Variants in DLG2 observed in about 807,000 individuals in gnomAD.
DLG2 encodes the protein disks large homolog 2.
DLG2 carries 45 observed loss-of-function variants against 132.5 expected under a neutral mutation model. The ratio of observed to expected loss-of-function variants is 0.34; its 90% CI spans 0.27 to 0.44. The LOEUF is 0.44. Ranked by LOEUF, DLG2 falls within the 20% of genes least tolerant of loss-of-function variation. The probability of loss-of-function intolerance (pLI) is 1.00; values close to 1 mark genes in which losing one functional copy is unlikely to be tolerated. For synonymous variants in DLG2, 424 were observed against 419.6 expected (o/e 1.01, Z -0.13); for missense variants, 1,045 against 1,196.9 (o/e 0.87, Z 1.87).
intron 4 of DLG2, among the ~76,000 whole-genome samples, chr11:85,201,272 G>A (rs577820609): frequency 1.3e-5 from 2 of 152,272 alleles, no homozygotes; most frequent in African/African-American, 4.8e-5. Context: ...ACACACCTCT[G>A]AGCCAATGAA....
intron 15 of DLG2, among the ~76,000 whole-genome samples, chr11:83,908,757 A>C (rs1015925324): frequency 6.6e-6 from 1 of 151,642 alleles, no homozygotes; most frequent in Non-Finnish European, 1.5e-5. Context: ...TTTTTAAGGG[A>C]CAGGGTCTTA....
intron 3 of DLG2, among the ~76,000 whole-genome samples, chr11:85,434,820 A>C (rs941353230): frequency 4.6e-5 from 7 of 152,198 alleles, no homozygotes; most frequent in African/African-American, 1.7e-4. Flanking sequence ...AGCTCATTTT[A>C]TGAGGCCAGC....
intron 18 of DLG2, among the ~76,000 whole-genome samples, chr11:83,706,610 C>G (rs2084062000): frequency 6.6e-6 from 1 of 152,166 alleles, no homozygotes; most frequent in South Asian, 2.1e-4. Flanking sequence ...GCAGGGAAAC[C>G]TTCTGAGGAG....
chr11:83,739,199 A>T (rs1038449891), intron 18 of DLG2, among the ~76,000 whole-genome samples: 2 of 152,166 alleles, frequency 1.3e-5, no homozygotes, highest in Non-Finnish European at 2.9e-5. Context: ...GATAATTTGA[A>T]TCACAGAATC....
Position 83,823,473 on chromosome 11 carries a change from T to C in DLG2, c.1722+10141A>G, listed in dbSNP as rs183230608. 1.3e-3 allele frequency among the ~76,000 whole-genome samples: 194 copies of C among 152,272 alleles called. 4 individuals carry two copies. Among genetic ancestry groups the C allele is most frequent in the Admixed American group, 0.012 (177 of 15,282 alleles). ...TCTATAGGAATTCCTCTTAGTCAAT[T>C]AGGAAATGATCTGTCTGAATTGGAA... is the stretch of plus-strand genomic sequence containing the variant. On this transcript the variant is annotated intron_variant, in intron 17 of 27. Coordinates refer to ENST00000376104, the MANE Select transcript of DLG2 (RefSeq NM_001142699.3).
chr11:85,537,944 G>A (rs1279459241), intron 3 of DLG2, among the ~76,000 whole-genome samples: 4 of 151,594 alleles, frequency 2.6e-5, no homozygotes, highest in East Asian at 1.9e-4. Context: ...GTGAAACCCC[G>A]TCTCTACTAA....
chr11:85,426,057 G>A (rs1401458288), intron 3 of DLG2, among the ~76,000 whole-genome samples: 4 of 152,218 alleles, frequency 2.6e-5, no homozygotes, highest in African/African-American at 7.2e-5. Flanking sequence ...AGCAGTCTGA[G>A]ATCAAACTGC....
At chr11:85,520,582 G>T (rs1320948213) in intron 3 of DLG2, among the ~76,000 whole-genome samples, 2 of 148,938 alleles carry the variant, frequency 1.3e-5, no homozygotes, top group Non-Finnish European at 3.0e-5. Context: ...GAACAAAACT[G>T]AAGGAATCAC....
intron 6 of DLG2, among the ~76,000 whole-genome samples, chr11:84,956,179 A>T (rs544718850): frequency 7.9e-5 from 12 of 152,322 alleles, no homozygotes; most frequent in Non-Finnish European, 1.8e-4. Context: ...ACTTAAGTTG[A>T]GGTCTCTTTA....
At chr11:85,526,574 G>A (rs1287485661) in intron 3 of DLG2, among the ~76,000 whole-genome samples, 1 of 152,138 alleles carries the variant, frequency 6.6e-6, no homozygotes, top group East Asian at 1.9e-4. Flanking sequence ...TGTAAATCTG[G>A]AGTTATACCA....
At chr11:84,728,663 T>C (rs2062789659) in intron 6 of DLG2, among the ~76,000 whole-genome samples, 1 of 152,204 alleles carries the variant, frequency 6.6e-6, no homozygotes, top group African/African-American at 2.4e-5. Context: ...TCAGAAGGAA[T>C]GGTACCAGCT....
At chr11:84,085,803 C>G (rs1225691397) in intron 10 of DLG2, among the ~76,000 whole-genome samples, 1 of 152,186 alleles carries the variant, frequency 6.6e-6, no homozygotes, top group African/African-American at 2.4e-5. Context: ...TATGAATCAT[C>G]ACATCTATGT....
intron 7 of DLG2, among the ~76,000 whole-genome samples, chr11:84,274,256 C>G (rs17500125): frequency 0.049 from 7,427 of 152,150 alleles, 257 homozygotes; most frequent in Admixed American, 0.091. Flanking sequence ...CTAGAAGGTG[C>G]TAGGAGGTAA....
At chr11:84,127,892 A>G (rs1482249773) in intron 9 of DLG2, among the ~76,000 whole-genome samples, 6 of 152,188 alleles carry the variant, frequency 3.9e-5, no homozygotes, top group Non-Finnish European at 7.3e-5. Context: ...TTCAAATAAG[A>G]TCATGTTTAC....
chr11:83,825,132 T>C (rs6592146), intron 17 of DLG2, among the ~76,000 whole-genome samples: 89,575 of 127,398 alleles, frequency 0.7, 32,556 homozygotes, highest in Middle Eastern at 0.88. Context: ...CATATATATA[T>C]ACACACACAC....
At chr11:84,688,199 T>C (rs1234412187) in intron 6 of DLG2, among the ~76,000 whole-genome samples, 1 of 152,168 alleles carries the variant, frequency 6.6e-6, no homozygotes, top group Non-Finnish European at 1.5e-5. Context: ...ACCATAAACA[T>C]GAGAAGAGCC....
chr11:85,497,023 T>C (rs1303722592), intron 3 of DLG2, among the ~76,000 whole-genome samples: 1 of 151,952 alleles, frequency 6.6e-6, no homozygotes, highest in Non-Finnish European at 1.5e-5. Context: ...CCTCTTCTCC[T>C]CCAAAGGAAA....
At chr11:84,631,538 T>C (rs1485128187) in intron 6 of DLG2, among the ~76,000 whole-genome samples, 1 of 152,146 alleles carries the variant, frequency 6.6e-6, no homozygotes, top group Non-Finnish European at 1.5e-5. Flanking sequence ...CTTATAGAGA[T>C]GTTGCAGTGA....
At chr11:84,152,796 T>G (rs2095333399) in intron 9 of DLG2, among the ~76,000 whole-genome samples, 1 of 152,214 alleles carries the variant, frequency 6.6e-6, no homozygotes, top group South Asian at 2.1e-4. Context: ...GGTCTTGTTT[T>G]TTTATCTAGC....
Sources: allele counts gnomAD v4.1 joint callset (sites outside exome capture counted in the v4.1 genomes callset), GRCh38; gene constraint gnomAD v4.1.1; transcripts MANE v1.5; gene names NCBI Gene and HGNC (gene_info 2026-07-23, HGNC 2026-07-21).